Variants in SULF1 observed in about 807,000 individuals in gnomAD.
SULF1 encodes the protein extracellular sulfatase Sulf-1.
SULF1 carries 46 observed loss-of-function variants against 110.5 expected under a neutral mutation model. The observed-to-expected ratio is 0.42, with a 90% CI of 0.33 to 0.53. SULF1 has a LOEUF of 0.53. SULF1 is among the 20% of genes least tolerant of loss of function. The probability of loss-of-function intolerance (pLI) is 0.12; values close to 1 mark genes in which losing one functional copy is unlikely to be tolerated. For synonymous variants in SULF1, 371 were observed against 387.1 expected (o/e 0.96, Z 0.49); for missense variants, 941 against 1,094.2 (o/e 0.86, Z 1.98).
intron 14 of SULF1, 22 bp downstream of exon 14, chr8:69,621,273 A>C: frequency 6.3e-7 from 1 of 1,587,692 alleles, no homozygotes. Flanking sequence ...TTTTGTGACC[A>C]TCTCAATGGT....
chr8:69,476,235 A>G (rs1356509203), intron 1 of SULF1, among the ~76,000 whole-genome samples: 1 of 152,116 alleles, frequency 6.6e-6, no homozygotes, highest in African/African-American at 2.4e-5. Context: ...AAGACAAATC[A>G]TCCTTAATTT....
intron 1 of SULF1, among the ~76,000 whole-genome samples, chr8:69,487,814 C>T (rs2150549930): frequency 6.6e-6 from 1 of 152,184 alleles, no homozygotes; most frequent in East Asian, 1.9e-4. Context: ...ATCTAATGTT[C>T]AGAGGATGGT....
chr8:69,508,936 A>C (rs1316546731), intron 3 of SULF1, among the ~76,000 whole-genome samples: 1 of 152,176 alleles, frequency 6.6e-6, no homozygotes, highest in Non-Finnish European at 1.5e-5. Flanking sequence ...AGTAGCCATA[A>C]TATAATGACT....
Position 69,557,812 on chromosome 8 carries a change from G to C in SULF1, c.-133-5727G>C, listed in dbSNP as rs12114279. Among the ~76,000 whole-genome samples, 1,346 of 152,308 alleles carry C rather than the reference G, an allele frequency of 8.8e-3. 19 individuals are homozygous for C. Among genetic ancestry groups the C allele is most frequent in the African/African-American group, 0.031 (1,293 of 41,548 alleles). ...ACAGTGTTGTGTGGCAGGAGGAGAG[G>C]AGAAAGGAAGATCTCATCATTTAGC... On this transcript the variant is annotated intron_variant, in intron 3 of 22. Transcript: ENST00000402687.
At chr8:69,638,685 T>C in intron 20 of SULF1, 41 bp downstream of exon 20, 1 of 1,612,496 alleles carries the variant, frequency 6.2e-7, no homozygotes, top group Non-Finnish European at 8.5e-7. Flanking sequence ...TTGTTGAAAA[T>C]AGGATAACCA....
chr8:69,656,591 T>C (rs1480091585), intron 22 of SULF1, among the ~76,000 whole-genome samples: 1 of 152,212 alleles, frequency 6.6e-6, no homozygotes, highest in Non-Finnish European at 1.5e-5. Flanking sequence ...TCTGTTCTTG[T>C]GTTAGTTTGC....
chr8:69,609,768 A>T (rs77167034), intron 13 of SULF1, among the ~76,000 whole-genome samples: 2,924 of 152,314 alleles, frequency 0.019, 42 homozygotes, highest in Non-Finnish European at 0.029. Context: ...TTAGAATCAT[A>T]TGGGCAGCTT....
chr8:69,561,704 C>T (rs888222275), intron 3 of SULF1, among the ~76,000 whole-genome samples: 3 of 152,160 alleles, frequency 2.0e-5, no homozygotes, highest in African/African-American at 7.2e-5. Flanking sequence ...ACAAACTCTC[C>T]CTTCACACAC....
At chr8:69,485,930 A>C (rs1306416044) in intron 1 of SULF1, among the ~76,000 whole-genome samples, 1 of 152,196 alleles carries the variant, frequency 6.6e-6, no homozygotes, top group African/African-American at 2.4e-5. Context: ...TAACACTCTG[A>C]GTTTACCTGC....
chr8:69,584,245 G>T (rs766678857), intron 6 of SULF1, among the ~76,000 whole-genome samples: 3 of 152,192 alleles, frequency 2.0e-5, no homozygotes, highest in African/African-American at 4.8e-5. Context: ...TCTGTGAGGG[G>T]TGGCAAGTTA....
In SULF1 at chr8:69,564,083, G is replaced by A; in HGVS notation, c.108G>A (p.Gln36=). ...CGAGGTTCAGAGGACGGATACAGCA[G>A]GAACGAAAAAACATCCGACCCAACA... ...RSPRFRGRIQ[Q]ERKNIRPNII... The change falls in exon 5 of 23, where the codon CAG becomes CAA. Residue 36 remains glutamine (Q), a synonymous_variant. Transcript: ENST00000402687. The A allele has an allele frequency of 6.2e-7, 1 of 1,614,144 alleles. No individual in the cohort carries two copies.
intron 3 of SULF1, among the ~76,000 whole-genome samples, chr8:69,544,677 C>T (rs1453868663): frequency 1.3e-5 from 2 of 152,124 alleles, no homozygotes; most frequent in Admixed American, 6.5e-5. Flanking sequence ...AATAAAAGTC[C>T]TATTTGCATG....
At chr8:69,539,788 G>A (rs967475457) in intron 3 of SULF1, among the ~76,000 whole-genome samples, 5 of 152,210 alleles carry the variant, frequency 3.3e-5, no homozygotes, top group Non-Finnish European at 7.3e-5. Context: ...AACTTTCTTA[G>A]GGTATAAAAA....
chr8:69,538,665 T>C (rs59876247), intron 3 of SULF1, among the ~76,000 whole-genome samples: 2,181 of 152,144 alleles, frequency 0.014, 57 homozygotes, highest in African/African-American at 0.05. Context: ...TTTTTTCTTT[T>C]TGCAAAGTTT....
rs571580282 is a variant in SULF1, at chr8:69,497,080, C to T, written c.-229+1154C>T. On this transcript the variant is annotated intron_variant, in intron 2 of 22. Transcript: ENST00000402687. ...GAGCACACTTTGGACCTTCCAACAA[C>T]CCTTTAGGAAAAGCAGTTTGGAACC... is the stretch of plus-strand genomic sequence containing the variant. 7.2e-5 allele frequency among the ~76,000 whole-genome samples: 11 copies of T among 152,182 alleles called. No homozygotes were observed. The South Asian group carries it at 2.3e-3, about 32-fold the overall frequency.
intron 3 of SULF1, among the ~76,000 whole-genome samples, chr8:69,516,178 A>G (rs1278091711): frequency 2.0e-5 from 3 of 152,194 alleles, no homozygotes; most frequent in East Asian, 1.9e-4. Context: ...TCACATTGCT[A>G]TAAAGAACTA....
intron 2 of SULF1, among the ~76,000 whole-genome samples, chr8:69,499,853 A>C (rs1424165225): frequency 1.3e-5 from 2 of 152,154 alleles, no homozygotes. Context: ...GGGCTCAAGT[A>C]ATCCTACCGC....
chr8:69,654,474 C>A lies in SULF1; in HGVS notation c.2586-4031C>A, dbSNP rs370482343. Among the ~76,000 whole-genome samples the A allele has an allele frequency of 3.4e-4, 52 of 152,348 alleles. No individual in the cohort carries two copies. In the South Asian group the frequency reaches 0.01, roughly 30 times the overall value. On this transcript the variant is annotated intron_variant, in intron 22 of 22. Transcript: ENST00000402687. ...GCAGTATACCTGCATTCACTGTTAA[C>A]CCCAGTTTTGCCAGATGGGGTGAAG...
At chr8:69,580,647 G>T (rs930793665) in intron 6 of SULF1, among the ~76,000 whole-genome samples, 1 of 152,064 alleles carries the variant, frequency 6.6e-6, no homozygotes, top group Non-Finnish European at 1.5e-5. Context: ...TGTGGTATTT[G>T]AATTATAATC....
Sources: gnomAD v4.1 joint callset for allele counts (sites outside exome capture counted in the v4.1 genomes callset) on GRCh38, gnomAD v4.1.1 for gene constraint, MANE v1.5 for transcripts, NCBI Gene and HGNC (gene_info 2026-07-23, HGNC 2026-07-21) for gene names.